Variants in VPS53 observed in about 807,000 individuals in gnomAD.
VPS53 encodes VPS53 subunit of GARP complex.
A neutral mutation model predicts 107.0 loss-of-function variants in VPS53; 70 were observed. The observed-to-expected ratio is 0.65, with a 90% CI of 0.54 to 0.80. The LOEUF is 0.80. Among genes scored for constraint, VPS53 ranks in the 30% least tolerant of loss-of-function variants. The pLI is 0.00. For missense variants in VPS53, 917 were observed against 1,049.4 expected (o/e 0.87, Z 1.74); for synonymous variants, 409 against 393.3 (o/e 1.04, Z -0.47).
intron 4 of VPS53, among the ~76,000 whole-genome samples, chr17:671,292 A>AAGGG (rs1971933594): frequency 1.3e-5 from 2 of 151,390 alleles, no homozygotes; most frequent in African/African-American, 2.4e-5. Flanking sequence ...AGAAGGAAGG[A>AAGGG]AGGGAGGGAG....
In VPS53 at chr17:658,238, G is replaced by A. The variant is rs1386530787; in HGVS notation, c.373-2285C>T. Among the ~76,000 whole-genome samples, 6 of 102,080 alleles carry A rather than the reference G, an allele frequency of 5.9e-5. No individual in the cohort carries two copies. The East Asian group carries it at 8.1e-4, about 14-fold the overall frequency. The allele number at this position is 102,080 out of a possible 152,430, so 67.0% of individuals were successfully genotyped here. On this transcript the variant is annotated intron_variant, in intron 5 of 21. Transcript: ENST00000437048. ...TCCCATTGAAGTGAGACACTCGGCC[G>A]TGAGTTCGTGGATAGATAACATCCC...
At chr17:653,684 T>A (rs1187722776) in intron 6 of VPS53, among the ~76,000 whole-genome samples, 1 of 152,190 alleles carries the variant, frequency 6.6e-6, no homozygotes, top group Non-Finnish European at 1.5e-5. Flanking sequence ...AAGTACAAAT[T>A]ATGTGCTACG....
chr17:710,808 G>C (rs1973616309), intron 1 of VPS53, among the ~76,000 whole-genome samples, 195 bp from the exon 2 acceptor site: 1 of 152,030 alleles, frequency 6.6e-6, no homozygotes, highest in African/African-American at 2.4e-5. Flanking sequence ...TGGGTGTGGT[G>C]TTGGCGCACA....
intron 13 of VPS53, among the ~76,000 whole-genome samples, chr17:565,974 C>T (rs1285471265): frequency 2.0e-5 from 3 of 152,050 alleles, no homozygotes; most frequent in Admixed American, 6.5e-5. Context: ...GAGGCCGAGG[C>T]GGGCGGATCA....
chr17:702,741 T>C (rs1003627029), intron 2 of VPS53, among the ~76,000 whole-genome samples: 2 of 152,218 alleles, frequency 1.3e-5, no homozygotes, highest in African/African-American at 4.8e-5. Flanking sequence ...TTTGGGTGAC[T>C]GTTTTCCCTT....
intron 7 of VPS53, among the ~76,000 whole-genome samples, chr17:640,335 C>A (rs908798948): frequency 4.6e-5 from 7 of 152,072 alleles, no homozygotes; most frequent in Admixed American, 1.3e-4. Flanking sequence ...ATTCCCTGAC[C>A]CCTTGCGCTT....
At chr17:549,699 A>G (rs1298042707) in intron 17 of VPS53, among the ~76,000 whole-genome samples, 1 of 152,178 alleles carries the variant, frequency 6.6e-6, no homozygotes, top group Non-Finnish European at 1.5e-5. Flanking sequence ...GATCCCACTC[A>G]GGATGTAGAG....
chr17:602,876 G>A (rs1303304834), intron 11 of VPS53, among the ~76,000 whole-genome samples: 1 of 152,190 alleles, frequency 6.6e-6, no homozygotes, highest in Admixed American at 6.5e-5. Context: ...TAGCAGAAAG[G>A]AGGCCAACTG....
chr17:605,921 C>T (rs1255198029), intron 11 of VPS53, among the ~76,000 whole-genome samples: 2 of 152,070 alleles, frequency 1.3e-5, no homozygotes, highest in South Asian at 2.1e-4. Context: ...TTTTCAACAG[C>T]GAAGTGATGT....
At chr17:579,945 G>A (rs574837062) in intron 13 of VPS53, among the ~76,000 whole-genome samples, 22 of 148,132 alleles carry the variant, frequency 1.5e-4, no homozygotes, top group African/African-American at 5.3e-4. Context: ...AGAATCTAAT[G>A]CATTCCCAGA....
intron 7 of VPS53, among the ~76,000 whole-genome samples, chr17:641,771 T>C (rs1970432149): frequency 6.6e-6 from 1 of 152,200 alleles, no homozygotes. Context: ...CTAGCCATTC[T>C]TGTGAAAGTC....
rs145401938 is a variant in VPS53 at position 584,485 on chromosome 17, G to A, written c.1313+1785C>T. 1.1e-4 allele frequency among the ~76,000 whole-genome samples: 17 copies of A among 152,276 alleles called. No homozygotes were observed. In the East Asian group the frequency reaches 3.3e-3, roughly 29 times the overall value. On this transcript the variant is annotated intron_variant, in intron 13 of 21. Coordinates refer to ENST00000437048, the MANE Select transcript of VPS53 (RefSeq NM_001128159.3). ...GTGAGATGCTTTATAAAAATATTTG[G>A]AGGCTACAAGTTTGTGAAAAGCATA...
intron 17 of VPS53, among the ~76,000 whole-genome samples, chr17:544,894 A>C (rs1346982979): frequency 1.3e-5 from 2 of 152,120 alleles, no homozygotes; most frequent in African/African-American, 4.8e-5. Context: ...GGCCTGGGCA[A>C]CATAGCAAGA....
chr17:712,089 T>G (rs991600197), intron 1 of VPS53, among the ~76,000 whole-genome samples: 2 of 151,356 alleles, frequency 1.3e-5, no homozygotes, highest in Admixed American at 6.6e-5. Context: ...GTGCTGGGAT[T>G]ACAGGCGTGA....
intron 4 of VPS53, among the ~76,000 whole-genome samples, chr17:672,682 A>C (rs1416529032): frequency 6.6e-6 from 1 of 152,256 alleles, no homozygotes; most frequent in Non-Finnish European, 1.5e-5. Context: ...TCATTCAATT[A>C]AAAAGTGAGT....
chr17:604,234 T>C (rs899694540), intron 11 of VPS53, among the ~76,000 whole-genome samples: 2 of 152,130 alleles, frequency 1.3e-5, no homozygotes, highest in African/African-American at 4.8e-5. Context: ...GTTCCCGGGC[T>C]CTGCTCTCGC....
chr17:704,405 C>A (rs913504518), intron 2 of VPS53, among the ~76,000 whole-genome samples: 12 of 152,196 alleles, frequency 7.9e-5, no homozygotes, highest in African/African-American at 2.4e-4. Context: ...ACTAAATTCA[C>A]TCTGGAAATA....
intron 2 of VPS53, among the ~76,000 whole-genome samples, chr17:708,402 T>C (rs1282631491): frequency 6.6e-6 from 1 of 152,206 alleles, no homozygotes; most frequent in Non-Finnish European, 1.5e-5. Context: ...ATCAGAAAGA[T>C]CAAAGACTTT....
intron 7 of VPS53, among the ~76,000 whole-genome samples, chr17:646,558 A>G (rs419394): frequency 0.74 from 2,122 of 2,856 alleles, 932 homozygotes; most frequent in South Asian, 0.89. Flanking sequence ...CCGTGACCGC[A>G]TGGCCACTGC....
Sources: gnomAD v4.1 joint callset for allele counts (sites outside exome capture counted in the v4.1 genomes callset) on GRCh38, gnomAD v4.1.1 for gene constraint, MANE v1.5 for transcripts, NCBI Gene and HGNC (gene_info 2026-07-23, HGNC 2026-07-21) for gene names.